Variants in DIS3L2 observed in about 807,000 individuals in gnomAD.
DIS3L2 encodes DIS3 like 3'-5' exoribonuclease 2.
Under a neutral mutation model 97.5 loss-of-function variants are expected in DIS3L2, and 34 were observed. The observed-to-expected ratio is 0.35, with a 90% CI of 0.27 to 0.46. The LOEUF is 0.46. Among genes scored for constraint, DIS3L2 ranks in the 20% least tolerant of loss-of-function variants. The probability of loss-of-function intolerance (pLI) is 1.00; values close to 1 mark genes in which losing one functional copy is unlikely to be tolerated. For missense variants in DIS3L2, 1,038 were observed against 1,146.0 expected (o/e 0.91, Z 1.36); for synonymous variants, 435 against 445.2 (o/e 0.98, Z 0.29).
chr2:232,170,897 ATAATAC>A (rs1172592283), intron 9 of DIS3L2, among the ~76,000 whole-genome samples: 1 of 152,222 alleles, frequency 6.6e-6, no homozygotes, highest in Non-Finnish European at 1.5e-5. Flanking sequence ...GGAGAGTCAT[ATAATAC>A]TAACCTCTTT....
At chr2:232,111,385 A>G in intron 6 of DIS3L2, 1 of 381,100 alleles carries the variant, frequency 2.6e-6, no homozygotes, top group South Asian at 2.1e-5. Flanking sequence ...TCCCTTTCTC[A>G]TATGTATACC....
intron 14 of DIS3L2, among the ~76,000 whole-genome samples, chr2:232,324,589 A>T (rs1369649851): frequency 2.6e-5 from 4 of 152,074 alleles, no homozygotes; most frequent in African/African-American, 4.8e-5. Context: ...TCAGCACTTT[A>T]TCAGGTGCAT....
intron 4 of DIS3L2, among the ~76,000 whole-genome samples, chr2:232,026,352 A>T (rs1348198701): frequency 6.6e-6 from 1 of 152,166 alleles, no homozygotes; most frequent in African/African-American, 2.4e-5. Context: ...TTGCAGCTCC[A>T]TGCTGAAACA....
At chr2:232,224,698 G>T (rs1367579394) in intron 10 of DIS3L2, among the ~76,000 whole-genome samples, 1 of 151,930 alleles carries the variant, frequency 6.6e-6, no homozygotes, top group African/African-American at 2.4e-5. Context: ...AATTAGCCAG[G>T]CATGGTCATA....
intron 10 of DIS3L2, among the ~76,000 whole-genome samples, chr2:232,225,976 A>G (rs879945288): frequency 6.6e-6 from 1 of 152,226 alleles, no homozygotes; most frequent in Non-Finnish European, 1.5e-5. Flanking sequence ...AGGTACATCT[A>G]TAGAGACCAG....
chr2:231,967,576 C>T (rs1692759467), intron 1 of DIS3L2, among the ~76,000 whole-genome samples: 6 of 152,062 alleles, frequency 3.9e-5, no homozygotes, highest in Admixed American at 3.9e-4. Context: ...TTTGTTTAAT[C>T]CTTTTACTTA....
At chr2:231,966,075 T>G (rs1432718522) in intron 1 of DIS3L2, among the ~76,000 whole-genome samples, 1 of 152,196 alleles carries the variant, frequency 6.6e-6, no homozygotes, top group African/African-American at 2.4e-5. Context: ...AAACTGGGCC[T>G]GGAATGAGTG....
At chr2:232,200,841 T>C (rs1420918476) in intron 9 of DIS3L2, among the ~76,000 whole-genome samples, 2 of 148,784 alleles carry the variant, frequency 1.3e-5, no homozygotes, top group African/African-American at 4.9e-5. Flanking sequence ...TGGAGTGCAG[T>C]GGCACGATCT....
At chr2:232,305,157 C>T (rs906977162) in intron 14 of DIS3L2, among the ~76,000 whole-genome samples, 21 of 152,184 alleles carry the variant, frequency 1.4e-4, no homozygotes, top group African/African-American at 5.1e-4. Context: ...CTCACTGCAA[C>T]CTGCACCACC....
In DIS3L2 at chr2:232,336,376, G is replaced by A. The variant is rs1478537793; in HGVS notation, c.2497-93G>A. 5 of 1,549,434 alleles carry A rather than the reference G, an allele frequency of 3.2e-6. No homozygotes were observed. The Admixed American group carries it at 9.8e-5, about 30-fold the overall frequency. On this transcript the variant is annotated intron_variant, in intron 20 of 20. Coordinates refer to ENST00000325385, the MANE Select transcript of DIS3L2 (RefSeq NM_152383.5). ...CAGAGGCTTCCAGAGGCCGAAGGAG[G>A]GGCCAGGGGTCCTGCTGCAGGGATG...
chr2:231,968,097 A>ATTT (rs34272468), intron 1 of DIS3L2, among the ~76,000 whole-genome samples: 3 of 134,664 alleles, frequency 2.2e-5, no homozygotes, highest in Non-Finnish European at 3.2e-5. Flanking sequence ...CAGATAACTG[A>ATTT]TTTTTTTTTT....
Position 232,088,362 on chromosome 2 carries a change from C to G in DIS3L2, c.601+641C>G, listed in dbSNP as rs1051826390. On this transcript the variant is annotated intron_variant, in intron 6 of 20. Transcript: ENST00000325385. ...GAGATCAAGACCATCCTGGCTAACA[C>G]GTTGAAAGCCCGTCTCTACTAAAAA... Among the ~76,000 whole-genome samples, 11 of 134,526 alleles carry G rather than the reference C, an allele frequency of 8.2e-5. 1 individual carries two copies. The highest frequency in any genetic ancestry group is 1.5e-4 in the Non-Finnish European group (10 of 65,644). The allele number at this position is 134,526 out of a possible 152,430, so 88.3% of individuals were successfully genotyped here. A position where few individuals can be genotyped will look rare whatever the true frequency, so the allele number is the denominator to read the frequency against.
chr2:232,071,057 G>A (rs1696002922), intron 5 of DIS3L2, among the ~76,000 whole-genome samples: 1 of 152,164 alleles, frequency 6.6e-6, no homozygotes, highest in African/African-American at 2.4e-5. Flanking sequence ...TCTGCATAGA[G>A]GAGGGCTCCT....
At chr2:232,258,478 G>C (rs1447796712) in intron 12 of DIS3L2, among the ~76,000 whole-genome samples, 1 of 152,026 alleles carries the variant, frequency 6.6e-6, no homozygotes, top group East Asian at 1.9e-4. Flanking sequence ...CAGCTACTCA[G>C]GAGGCTAAGG....
intron 13 of DIS3L2, among the ~76,000 whole-genome samples, chr2:232,267,899 G>T (rs976285972): frequency 8.5e-5 from 13 of 152,210 alleles, no homozygotes; most frequent in African/African-American, 3.1e-4. Flanking sequence ...TACCAAGGGA[G>T]GGTGGCAGGT....
chr2:232,268,731 A>C lies in DIS3L2; in HGVS notation c.1659+5291A>C, dbSNP rs774967724. Among the ~76,000 whole-genome samples, 4 of 152,230 alleles carry C rather than the reference A, an allele frequency of 2.6e-5. No individual in the cohort carries two copies. The highest frequency in any genetic ancestry group is 6.5e-5 in the Admixed American group (1 of 15,278). The stretch of plus-strand genomic sequence containing the variant: ...CAAAAGCAGGTTTGGCCTGTGGTCC[A>C]TACTTTGCTGACCTCTGCTTAAACA... On this transcript the variant is annotated intron_variant, in intron 13 of 20. Transcript: ENST00000325385. The surrounding 1 kb of genome is among the most constrained non-coding windows in gnomAD (Gnocchi z 4.1).
intron 1 of DIS3L2, among the ~76,000 whole-genome samples, chr2:231,982,792 G>A (rs1218603419): frequency 1.3e-5 from 2 of 151,352 alleles, no homozygotes; most frequent in African/African-American, 4.9e-5. Context: ...TGATTCTCCT[G>A]CCTCAGCCTC....
chr2:232,094,075 AC>A (rs1304662986), intron 6 of DIS3L2, among the ~76,000 whole-genome samples: 1 of 152,004 alleles, frequency 6.6e-6, no homozygotes, highest in Non-Finnish European at 1.5e-5. Context: ...TAATTTGTTA[AC>A]CCACTGGTCA....
At chr2:232,186,261 T>C (rs772673673) in intron 9 of DIS3L2, among the ~76,000 whole-genome samples, 6 of 152,196 alleles carry the variant, frequency 3.9e-5, no homozygotes, top group Non-Finnish European at 7.3e-5. Flanking sequence ...ATTTAAAGGA[T>C]AATAAGGAAC....
Sources: gnomAD v4.1 joint callset for allele counts (sites outside exome capture counted in the v4.1 genomes callset) on GRCh38, gnomAD v4.1.1 for gene constraint, Gnocchi (gnomAD v3.1) non-coding constraint, MANE v1.5 for transcripts, NCBI Gene and HGNC (gene_info 2026-07-23, HGNC 2026-07-21) for gene names.